Variants in BAG6 observed in about 807,000 individuals in gnomAD.
The protein encoded by BAG6 is BAG cochaperone 6, also known as large proline-rich protein BAG6.
Under a neutral mutation model 121.0 loss-of-function variants are expected in BAG6, and 22 were observed. The observed-to-expected ratio is 0.18, with a 90% confidence interval of 0.13 to 0.26. The LOEUF is 0.26. BAG6 is among the 10% of genes least tolerant of loss of function. The pLI, the probability that BAG6 is intolerant of heterozygous loss-of-function variation, is 1.00. For missense variants in BAG6, 1,233 were observed against 1,537.7 expected (o/e 0.80, Z 3.31); for synonymous variants, 583 against 584.6 (o/e 1.00, Z 0.04).
intron 6 of BAG6, 64 bp from the exon 7 acceptor site, chr6:31,647,890 C>T: frequency 6.8e-7 from 1 of 1,474,572 alleles, no homozygotes; most frequent in Non-Finnish European, 9.0e-7. Context: ...GATTACTCTA[C>T]AGGAGACTGA....
In BAG6 at chr6:31,644,685, A is replaced by AG; in HGVS notation, c.1370-84dup. On this transcript the variant is annotated intron_variant, in intron 10 of 25. Coordinates refer to ENST00000676615, the MANE Select transcript of BAG6 (RefSeq NM_001387994.1). This position sits in a 1 kb window ranked among gnomAD's most constrained non-coding sequence, Gnocchi z 4.9. ...ATCCTTCTGAGATCAGGCATACTTC[A>AG]GGCCCATAATCCCCCAATCAGAAAG... The AG allele has an allele frequency of 7.0e-7, 1 of 1,432,618 alleles. No homozygotes were observed. Among genetic ancestry groups the AG allele is most frequent in the Non-Finnish European group, 9.7e-7 (1 of 1,026,360 alleles). The allele number at this position is 1,432,618 out of a possible 1,614,324, so 88.7% of individuals were successfully genotyped here. A position where few individuals can be genotyped will look rare whatever the true frequency, so the allele number is the denominator to read the frequency against.
At position 31,640,826 on chromosome 6, in the gene BAG6, A is replaced by C; in HGVS notation, c.2900T>G (p.Leu967Arg). ...ATCACCAACCCTGCGAACGTATCTGAGAATGGCATCAGGGCCTACAGGCAT... is the reference window on the plus strand; with the variant it reads ...ATCACCAACCCTGCGAACGTATCTGCGAATGGCATCAGGGCCTACAGGCAT... ...EHMPVGPDAI[L>R]RYVRRVGDPP... The change falls in exon 21 of 26, where the codon CTC becomes CGC. Residue 967 changes from leucine (L) to arginine (R), a missense_variant. By Grantham distance (102) the Leu-to-Arg change is moderately radical. Transcript: ENST00000676615. This position sits in a 1 kb window ranked among gnomAD's most constrained non-coding sequence, Gnocchi z 4.2. 1 of 1,612,758 alleles carries C rather than the reference A, an allele frequency of 6.2e-7. No individual in the cohort carries two copies. The highest frequency in any genetic ancestry group is 8.5e-7 in the Non-Finnish European group (1 of 1,180,026).
chr6:31,649,076 A>G, intron 4 of BAG6, 112 bp from the exon 5 acceptor site: 3 of 1,498,542 alleles, frequency 2.0e-6, no homozygotes, highest in African/African-American at 1.4e-5. Flanking sequence ...ACTGAGACCA[A>G]TAGCACACCA....
intron 1 of BAG6, chr6:31,652,168 G>A (rs778577004): frequency 1.1e-5 from 2 of 184,602 alleles, no homozygotes; most frequent in Admixed American, 5.5e-5. Context: ...GGAGAAAGTG[G>A]TTTCGCGCAC....
Position 31,640,388 on chromosome 6 carries a change from G to T in BAG6, c.3135C>A (p.Pro1045=), listed in dbSNP as rs1781523559. 1.9e-6 allele frequency: 3 copies of T among 1,614,070 alleles called. No homozygotes were observed. ...TGGATTACTTCCTGACACTTACTGGGGGGACTGCAGCTGCCCAAGGTTCTG... is the reference window on the plus strand; with the variant it reads ...TGGATTACTTCCTGACACTTACTGGTGGGACTGCAGCTGCCCAAGGTTCTG... ...AETEPWAAAV[P]PEWVPIIQQD... Residue 1045 remains proline, a synonymous_variant, in exon 23 of 26, where the codon CCC becomes CCA. Coordinates refer to ENST00000676615, the MANE Select transcript of BAG6 (RefSeq NM_001387994.1). The surrounding 1 kb of genome is among the most constrained non-coding windows in gnomAD (Gnocchi z 4.2).
intron 2 of BAG6, 118 bp downstream of exon 2, chr6:31,651,538 C>CA (rs148181699): frequency 0.13 from 118,236 of 926,380 alleles, 9,149 homozygotes; most frequent in East Asian, 0.21. Flanking sequence ...GACTCCATCT[C>CA]AAAAAAAAGA....
intron 15 of BAG6, 127 bp from the exon 16 acceptor site, chr6:31,642,530 A>G: frequency 1.6e-6 from 1 of 640,310 alleles, no homozygotes. Context: ...TCTGATCTTC[A>G]CTGCTTAAAG....
At position 31,643,115 on chromosome 6, in the gene BAG6, G is replaced by T; in HGVS notation, c.1757C>A (p.Ala586Asp). Residue 586 changes from alanine (A) to aspartate (D), a missense_variant and splice_region_variant, in exon 15 of 26, where the codon GCT becomes GAT. Physicochemically the swap from Ala to Asp is moderately radical, Grantham distance 126. Transcript: ENST00000676615. ...GQLLMQPVLV[A>D]QGTPGMAPPP... is the part of the protein sequence containing the mutation. The stretch of plus-strand genomic sequence containing the variant: ...TGGAGCCATACCTGGGGTCCCCTGA[G>T]CTGTAAGAAACCAAAAAAAGAAAGC... 1 of 1,560,212 alleles carries T rather than the reference G, an allele frequency of 6.4e-7. No homozygotes were observed. Among genetic ancestry groups the T allele is most frequent in the Non-Finnish European group, 8.6e-7 (1 of 1,161,300 alleles).
intron 8 of BAG6, 126 bp downstream of exon 8, chr6:31,646,268 G>A (rs1789059957): frequency 2.1e-6 from 3 of 1,400,244 alleles, no homozygotes; most frequent in Non-Finnish European, 9.6e-7. Flanking sequence ...TTACAGGCGT[G>A]AGCCACTGCA....
chr6:31,641,109 G>C lies in BAG6; in HGVS notation c.2782C>G (p.Arg928Gly). 2 of 1,612,932 alleles carry C rather than the reference G, an allele frequency of 1.2e-6. No individual in the cohort carries two copies. Among genetic ancestry groups the C allele is most frequent in the Non-Finnish European group, 1.7e-6 (2 of 1,179,910 alleles). The change falls in exon 20 of 26, where the codon CGA becomes GGA. Residue 928 changes from arginine to glycine, a missense_variant. Physicochemically the swap from Arg to Gly is moderately radical, Grantham distance 125 (BLOSUM62 -2). Coordinates refer to ENST00000676615, the MANE Select transcript of BAG6 (RefSeq NM_001387994.1). The surrounding 1 kb of genome is among the most constrained non-coding windows in gnomAD (Gnocchi z 5.7). ...TGGGGCTAGGTGGTGCTTACAATTC[G>C]GCCATTGATAACAGCAGCAAGCTCC... ...QMELAAVING[R>G]IRRMSRGVNP...
At chr6:31,649,138 C>T (rs1336262942) in intron 4 of BAG6, 61 bp downstream of exon 4, 3 of 1,589,776 alleles carry the variant, frequency 1.9e-6, no homozygotes, top group African/African-American at 2.7e-5. Context: ...TTATTAATTC[C>T]CTGGTGCTAC....
chr6:31,651,872 A>C, intron 1 of BAG6, 96 bp from the exon 2 acceptor site: 1 of 849,424 alleles, frequency 1.2e-6, no homozygotes, highest in African/African-American at 1.7e-5. Context: ...ATACCTAAAA[A>C]GTTTCTCCTG....
Position 31,649,236 on chromosome 6 carries a change from G to C in BAG6, c.386C>G (p.Ala129Gly). ...GGTTCCAACCATGACATAGCTGTTG[G>C]CATTCCGGTCATGAACAGAGGCCCC... ...GPGASVHDRN[A>G]NSYVMVGTFN... The change falls in exon 4 of 26, where the codon GCC becomes GGC. Residue 129 changes from alanine to glycine, a missense_variant. Ala to Gly is a moderately conservative substitution (Grantham distance 60). Transcript: ENST00000676615. The C allele has an allele frequency of 6.2e-7, 1 of 1,613,058 alleles. No homozygotes were observed. The highest frequency in any genetic ancestry group is 8.5e-7 in the Non-Finnish European group (1 of 1,180,024).
Position 31,641,096 on chromosome 6 carries a change from G to A in BAG6, c.2787+8C>T, listed in dbSNP as rs778342867. ...AAGGCTAAGGATCTGGGGCTAGGTG[G>A]TGCTTACAATTCGGCCATTGATAAC... On this transcript the variant is annotated splice_region_variant and intron_variant, in intron 20 of 25. Transcript: ENST00000676615. This position sits in a 1 kb window ranked among gnomAD's most constrained non-coding sequence, Gnocchi z 5.7. 6.2e-7 allele frequency: 1 copy of A among 1,612,966 alleles called. No homozygotes were observed. Among genetic ancestry groups the A allele is most frequent in the Non-Finnish European group, 8.5e-7 (1 of 1,179,912 alleles).
In BAG6 at chr6:31,646,454, G is replaced by A. The variant is rs1237423132; in HGVS notation, c.858C>T (p.Pro286=). 2 of 1,612,982 alleles carry A rather than the reference G, an allele frequency of 1.2e-6. No individual in the cohort carries two copies. Among genetic ancestry groups the A allele is most frequent in the South Asian group, 1.1e-5 (1 of 91,080 alleles). ...GAACCTCGTAGTAGCGCTGCAAGAA[G>A]GGCTGGAGGCGACTCTCCAGCCGCT... The part of the protein sequence containing the change: ...ELQRLESRLQ[P]FLQRYYEVLG... The change falls in exon 8 of 26, where the codon CCC becomes CCT. Residue 286 remains proline (P), a synonymous_variant. Transcript: ENST00000676615.
rs747865531 is a variant in BAG6 at position 31,639,468 on chromosome 6, T to C, written c.3393+32A>G. 1 of 1,599,294 alleles carries C rather than the reference T, an allele frequency of 6.3e-7. No individual in the cohort carries two copies. The highest frequency in any genetic ancestry group is 1.1e-5 in the South Asian group (1 of 90,026). ...GGGACCCTAGCCCAACCCCTCCCAC[T>C]AGACCATCCCTATTCTGCTTCAAGG... On this transcript the variant is annotated intron_variant, in intron 25 of 25. Transcript: ENST00000676615.
rs751639269 is a variant in BAG6, at chr6:31,639,544, G to A, written c.3349C>T (p.Arg1117Trp). The change falls in exon 25 of 26, where the codon CGG (arginine) becomes TGG (tryptophan). Residue 1117 changes from arginine to tryptophan, a missense_variant. Arg to Trp is a moderately radical substitution (Grantham distance 101). Coordinates refer to ENST00000676615, the MANE Select transcript of BAG6 (RefSeq NM_001387994.1). The part of the protein sequence containing the change: ...RPLTSPESLS[R>W]DLEAPEVQES... ...TGAACCTCTGGTGCCTCCAGGTCCC[G>A]GCTCAGGCTCTCGGGGCTCGTCAGG... 5.0e-6 allele frequency: 8 copies of A among 1,614,174 alleles called. No homozygotes were observed. Among genetic ancestry groups the A allele is most frequent in the Admixed American group, 3.3e-5 (2 of 60,022 alleles).
intron 14 of BAG6, 100 bp downstream of exon 14, chr6:31,643,790 G>A (rs1270015870): frequency 3.7e-6 from 4 of 1,080,792 alleles, no homozygotes; most frequent in Non-Finnish European, 5.3e-6. Flanking sequence ...CCCCATTCCA[G>A]GAAAGCAGGA....
rs1413386506 is a variant in BAG6, at chr6:31,645,448, T to A, written c.1075A>T (p.Thr359Ser). The A allele has an allele frequency of 5.6e-6, 9 of 1,613,004 alleles. No individual in the cohort carries two copies. Among genetic ancestry groups the A allele is most frequent in the Non-Finnish European group, 7.6e-6 (9 of 1,180,020 alleles). ...LHVVRPMSHY[T>S]TPMVLQQAAI... ...GCCTGCTGGAGCACCATGGGGGTGG[T>A]GTAGTGAGACATAGGCCGGACCACA... The change falls in exon 9 of 26, where the codon ACC becomes TCC. Residue 359 changes from threonine to serine, a missense_variant. Around this residue, in one of 7 missense-constraint regions of BAG6, gnomAD observed 777 missense variants for 861.4 expected, o/e 0.90. Transcript: ENST00000676615.
Sources: gnomAD v4.1 joint callset for allele counts on GRCh38, gnomAD v4.1.1 for gene constraint, gnomAD v4.1.1 regional missense constraint, Gnocchi (gnomAD v3.1) non-coding constraint, MANE v1.5 for transcripts, NCBI Gene and HGNC (gene_info 2026-07-23, HGNC 2026-07-21) for gene names.